Variants in DENR observed in about 807,000 individuals in gnomAD.
DENR encodes the protein density-regulated protein.
Under a neutral mutation model 30.6 loss-of-function variants are expected in DENR, and 6 were observed. The observed-to-expected ratio is 0.20, with a 90% confidence interval of 0.11 to 0.39. The LOEUF (loss-of-function observed/expected upper bound fraction) is 0.39. DENR is among the 10% of genes least tolerant of loss of function. The probability of loss-of-function intolerance (pLI) is 1.00; values close to 1 mark genes in which losing one functional copy is unlikely to be tolerated. For missense variants in DENR, 141 were observed against 230.9 expected, an observed-to-expected ratio of 0.61 and a Z score of 2.52; for synonymous variants, 78 against 72.1, an observed-to-expected ratio of 1.08 and a Z score of -0.41.
intron 2 of DENR, among the ~76,000 whole-genome samples, chr12:122,761,413 G>GAAA (rs1281591419): frequency 7.1e-6 from 1 of 141,214 alleles, no homozygotes; most frequent in African/African-American, 2.6e-5. Context: ...CTCTGTCTCA[G>GAAA]AAAAAAAAAA....
chr12:122,762,322 A>G, intron 3 of DENR, 116 bp downstream of exon 3: 1 of 719,406 alleles, frequency 1.4e-6, no homozygotes. Context: ...GTAAAGCTTT[A>G]ACCTTTTATA....
At chr12:122,763,444 G>A (rs1053352057) in intron 4 of DENR, among the ~76,000 whole-genome samples, 3 of 151,418 alleles carry the variant, frequency 2.0e-5, no homozygotes, top group East Asian at 3.9e-4. Context: ...AGTGGTTCAC[G>A]CCTGTAGTCC....
Position 122,761,503 on chromosome 12 carries a change from G to A in DENR, c.107-684G>A, listed in dbSNP as rs147534198. 1.3e-3 allele frequency among the ~76,000 whole-genome samples: 204 copies of A among 152,226 alleles called. 1 individual carries two copies. Among genetic ancestry groups the A allele is most frequent in the African/African-American group, 4.5e-3 (186 of 41,550 alleles). ...TGTGTCAGTATGAATAAAAAGTGGTGGCTGTTTTGGTAGAACCATCAAAAG... is the reference window on the plus strand; with the variant it reads ...TGTGTCAGTATGAATAAAAAGTGGTAGCTGTTTTGGTAGAACCATCAAAAG... On this transcript the variant is annotated intron_variant, in intron 2 of 7. Coordinates refer to ENST00000280557, the MANE Select transcript of DENR (RefSeq NM_003677.5).
In DENR at chr12:122,762,828, C is replaced by T; in HGVS notation, c.127-17C>T. The T allele has an allele frequency of 4.1e-6, 6 of 1,455,274 alleles. No individual in the cohort carries two copies. Among genetic ancestry groups the T allele is most frequent in the Non-Finnish European group, 3.7e-6 (4 of 1,076,604 alleles). The allele number at this position is 1,455,274 out of a possible 1,614,324, so 90.1% of individuals were successfully genotyped here. A position where few individuals can be genotyped will look rare whatever the true frequency, so the allele number is the denominator to read the frequency against. The stretch of plus-strand genomic sequence containing the variant: ...GAAAATGTTTTGTTGTGACTCAGTT[C>T]TTTTTTTTTCTCCTAGTACTGTGAA... On this transcript the variant is annotated splice_polypyrimidine_tract_variant and intron_variant, in intron 3 of 7. Transcript: ENST00000280557.
chr12:122,755,900 G>A (rs1382658950), intron 2 of DENR, among the ~76,000 whole-genome samples: 3 of 152,202 alleles, frequency 2.0e-5, no homozygotes, highest in African/African-American at 7.2e-5. Context: ...GGATTAGACT[G>A]TACCTTTTAA....
rs765293806 is a variant in DENR at position 122,762,938 on chromosome 12, AT to A, written c.211+17del. 1.1e-5 allele frequency: 17 copies of A among 1,497,252 alleles called. No individual in the cohort carries two copies. Among genetic ancestry groups the A allele is most frequent in the South Asian group, 2.5e-5 (2 of 79,618 alleles). 92.7% of individuals were successfully genotyped at this position (1,497,252 alleles called of 1,614,324 possible). A position where few individuals can be genotyped will look rare whatever the true frequency, so the allele number is the denominator to read the frequency against. ...TGCAAAACTTACTGTAGGTATGAAC[AT>A]TTTTTTTCTTGCATTAAACTTCTGT... On this transcript the variant is annotated intron_variant, in intron 4 of 7. Coordinates refer to ENST00000280557, the MANE Select transcript of DENR (RefSeq NM_003677.5).
rs1593766767 is a variant in DENR at position 122,770,824 on chromosome 12, CTG to C, written c.*1749_*1750del. On this transcript the variant is annotated 3_prime_UTR_variant, in exon 8 of 8. Transcript: ENST00000280557. ...ATTAAAAAATGGAATTCTCCATTAA[CTG>C]TGGATTTTACTAAATAGAATTACTG... 1 of 397,182 alleles carries C rather than the reference CTG, an allele frequency of 2.5e-6. No individual in the cohort carries two copies. Among genetic ancestry groups the C allele is most frequent in the Non-Finnish European group, 4.4e-6 (1 of 225,814 alleles). The allele number at this position is 397,182 out of a possible 1,614,324, so 24.6% of individuals were successfully genotyped here.
At chr12:122,768,497 C>CAA (rs555107397) in intron 6 of DENR, among the ~76,000 whole-genome samples, 33 of 142,956 alleles carry the variant, frequency 2.3e-4, no homozygotes, top group Non-Finnish European at 4.6e-4. Context: ...GACTCCGTCT[C>CAA]AAAAAAAAAA....
In DENR at chr12:122,769,303, TATACACATATGTATAC is replaced by T. The variant is rs1189365797; in HGVS notation, c.*229_*244del. ...ATATATACACATATATGTATACATA[TATACACATATGTATAC>T]ATATATATATATTCTACAGTAAAAC... On this transcript the variant is annotated 3_prime_UTR_variant, in exon 8 of 8. Coordinates refer to ENST00000280557, the MANE Select transcript of DENR (RefSeq NM_003677.5). 3 of 729,824 alleles carry T rather than the reference TATACACATATGTATAC, an allele frequency of 4.1e-6. No individual in the cohort carries two copies. Among genetic ancestry groups the T allele is most frequent in the Middle Eastern group, 6.9e-4 (1 of 1,456 alleles). 45.2% of individuals were successfully genotyped at this position (729,824 alleles called of 1,614,324 possible).
chr12:122,769,002 A>G lies in DENR; in HGVS notation c.553-32A>G, dbSNP rs756692627. ...CCATTTTTTCTTAATTGCAACCACA[A>G]CTCATGAGATATAATTATTTGTGTT... On this transcript the variant is annotated intron_variant, in intron 7 of 7. Transcript: ENST00000280557. 8 of 1,609,746 alleles carry G rather than the reference A, an allele frequency of 5.0e-6. No individual in the cohort carries two copies. The East Asian group carries it at 1.1e-4, about 22-fold the overall frequency.
chr12:122,767,398 ACTT>A, intron 5 of DENR, 87 bp from the exon 6 acceptor site: 1 of 837,066 alleles, frequency 1.2e-6, no homozygotes, highest in South Asian at 2.0e-5. Flanking sequence ...AGAAAAAGAA[ACTT>A]AAACCTTTTG....
At chr12:122,754,291 G>C (rs563133564) in intron 2 of DENR, 1 of 167,182 alleles carries the variant, frequency 6.0e-6, no homozygotes. Flanking sequence ...AGAAGGTGAG[G>C]TTGGAGTGTT....
intron 3 of DENR, among the ~76,000 whole-genome samples, chr12:122,762,613 TA>T (rs1241312905): frequency 6.6e-6 from 1 of 152,142 alleles, no homozygotes; most frequent in Non-Finnish European, 1.5e-5. Flanking sequence ...AAGCAAGAAA[TA>T]GAGGGAGAAG....
intron 2 of DENR, among the ~76,000 whole-genome samples, chr12:122,761,796 C>T (rs1008606898): frequency 2.0e-5 from 3 of 152,174 alleles, no homozygotes; most frequent in African/African-American, 7.2e-5. Flanking sequence ...GCCTGGGCAA[C>T]AGAGTGAGAC....
At chr12:122,759,416 A>C (rs1386858938) in intron 2 of DENR, among the ~76,000 whole-genome samples, 1 of 152,214 alleles carries the variant, frequency 6.6e-6, no homozygotes, top group Non-Finnish European at 1.5e-5. Flanking sequence ...TTATTGCATT[A>C]GAATTTTGCT....
Position 122,762,873 on chromosome 12 carries a change from A to C in DENR, c.155A>C (p.Lys52Thr). 6.5e-7 allele frequency: 1 copy of C among 1,549,720 alleles called. No homozygotes were observed. Among genetic ancestry groups the C allele is most frequent in the African/African-American group, 1.4e-5 (1 of 73,142 alleles). The change falls in exon 4 of 8, where the codon AAA becomes ACA. Residue 52 changes from lysine to threonine, a missense_variant. Lys to Thr is a moderately conservative substitution (Grantham distance 78). This residue lies in a region of DENR where 104 missense variants were observed against 138.3 expected (regional missense o/e 0.75). Coordinates refer to ENST00000280557, the MANE Select transcript of DENR (RefSeq NM_003677.5). Reference protein sequence around the residue: ...EYCEYMPDVAKCRQWLEKNFP... With the variant: ...EYCEYMPDVATCRQWLEKNFP... ...TGTGAATATATGCCTGATGTTGCTA[A>C]ATGTAGACAATGGTTAGAGAAGAAT...
Position 122,770,983 on chromosome 12 carries a change from C to A in DENR, c.*1905C>A. 2.7e-6 allele frequency: 1 copy of A among 366,924 alleles called. No individual in the cohort carries two copies. 22.7% of individuals were successfully genotyped at this position (366,924 alleles called of 1,614,324 possible). A position where few individuals can be genotyped will look rare whatever the true frequency, so the allele number is the denominator to read the frequency against. ...GTTTCTTTGTGTTCACAGTTCTTAG[C>A]AAATGCAGTTACAATCCATAGATAG... On this transcript the variant is annotated 3_prime_UTR_variant, in exon 8 of 8. Transcript: ENST00000280557.
At chr12:122,756,725 G>C (rs1377110946) in intron 2 of DENR, among the ~76,000 whole-genome samples, 1 of 152,162 alleles carries the variant, frequency 6.6e-6, no homozygotes, top group African/African-American at 2.4e-5. Flanking sequence ...TTCATGAAGA[G>C]GGGCAGCCGG....
At chr12:122,755,397 G>A (rs889376629) in intron 2 of DENR, among the ~76,000 whole-genome samples, 3 of 152,074 alleles carry the variant, frequency 2.0e-5, no homozygotes, top group Non-Finnish European at 4.4e-5. Flanking sequence ...GGCCAACATA[G>A]TGAAACCCCG....
Sources: gnomAD v4.1 joint callset for allele counts (sites outside exome capture counted in the v4.1 genomes callset) on GRCh38, gnomAD v4.1.1 for gene constraint, gnomAD v4.1.1 regional missense constraint, MANE v1.5 for transcripts, NCBI Gene and HGNC (gene_info 2026-07-23, HGNC 2026-07-21) for gene names.